MYO10: variants seen among roughly 807,000 people sequenced by gnomAD.
MYO10 encodes the protein myosin X, also known as unconventional myosin-X.
In MYO10, 133 loss-of-function variants were observed where a neutral mutation model predicts 257.3. The observed-to-expected ratio is 0.52, with a 90% CI of 0.45 to 0.60. The LOEUF (loss-of-function observed/expected upper bound fraction) is 0.60, where lower values mean the gene tolerates loss of function less well. Ranked by LOEUF, MYO10 falls within the 20% of genes least tolerant of loss-of-function variation. The pLI is 0.00. For synonymous variants in MYO10, 1,104 were observed against 1,028.6 expected, an observed-to-expected ratio of 1.07 and a Z score of -1.40; for missense variants, 2,399 against 2,635.7, an observed-to-expected ratio of 0.91 and a Z score of 1.97.
In MYO10 at chr5:16,670,868, G is replaced by C. The variant is rs774164093; in HGVS notation, c.5541C>G (p.Ala1847=). Reference sequence around the variant, plus strand: ...AATAAACCTCTTCGAGAGGTGGGATGGCAGCGTGCAGAGTATAATCCCCCT... The same window carrying C: ...AATAAACCTCTTCGAGAGGTGGGATCGCAGCGTGCAGAGTATAATCCCCCT... The part of the protein sequence containing the change: ...YLQGDYTLHA[A]IPPLEEVYSL... The change falls in exon 39 of 41, where the codon GCC becomes GCG. Residue 1847 remains alanine, a synonymous_variant. Transcript: ENST00000513610. 3.1e-6 allele frequency: 5 copies of C among 1,613,984 alleles called. No homozygotes were observed. The Admixed American group carries it at 8.3e-5, about 27-fold the overall frequency.
intron 25 of MYO10, 71 bp from the exon 26 acceptor site, chr5:16,699,644 TATC>T (rs1737934755): frequency 6.3e-7 from 1 of 1,594,114 alleles, no homozygotes; most frequent in South Asian, 1.1e-5. Flanking sequence ...ACCCAGCATG[TATC>T]ATCATTGAAA....
intron 1 of MYO10, among the ~76,000 whole-genome samples, chr5:16,908,796 G>A (rs1349621270): frequency 1.3e-5 from 2 of 152,128 alleles, no homozygotes; most frequent in Non-Finnish European, 2.9e-5. Flanking sequence ...CTGGAATATC[G>A]GAATGTACTG....
chr5:16,803,076 G>A (rs1742168619), intron 3 of MYO10, among the ~76,000 whole-genome samples: 1 of 151,972 alleles, frequency 6.6e-6, no homozygotes, highest in Admixed American at 6.6e-5. Flanking sequence ...CTGCACTCCA[G>A]CCTTGGTAAC....
In MYO10 at chr5:16,672,867, G is replaced by A. The variant is rs755536316; in HGVS notation, c.5173-42C>T. ...GGGGACTTCAGTTCCACAGGCTGCG[G>A]CCCCAACACGTGTTCCCAGAACGTG... On this transcript the variant is annotated intron_variant, in intron 36 of 40. Transcript: ENST00000513610. 8 of 1,596,212 alleles carry A rather than the reference G, an allele frequency of 5.0e-6. No individual in the cohort carries two copies. The East Asian group carries it at 6.8e-5, about 14-fold the overall frequency.
At chr5:16,869,911 A>AGAAAG (rs1744402096) in intron 2 of MYO10, among the ~76,000 whole-genome samples, 1 of 125,390 alleles carries the variant, frequency 8.0e-6, no homozygotes, top group African/African-American at 3.1e-5. Flanking sequence ...AGAAGGAGAA[A>AGAAAG]GGAAGGGAAG....
intron 26 of MYO10, among the ~76,000 whole-genome samples, chr5:16,697,427 C>T (rs933394327): frequency 1.1e-4 from 17 of 152,264 alleles, no homozygotes; most frequent in East Asian, 7.7e-4. Context: ...CATGGCTGGG[C>T]GCGGTGGCTC....
chr5:16,668,946 TG>T (rs1736307105), intron 39 of MYO10, among the ~76,000 whole-genome samples: 1 of 152,190 alleles, frequency 6.6e-6, no homozygotes, highest in South Asian at 2.1e-4. Flanking sequence ...TCACGCATGC[TG>T]AGCAGTTCTG....
At chr5:16,927,788 C>T (rs913816823) in intron 1 of MYO10, among the ~76,000 whole-genome samples, 2 of 152,100 alleles carry the variant, frequency 1.3e-5, no homozygotes, top group African/African-American at 4.8e-5. Flanking sequence ...GCTTTGTCCC[C>T]AAAACTCTAA....
At chr5:16,679,819 C>T (rs1476393445) in intron 33 of MYO10, 128 bp downstream of exon 33, 14 of 1,294,788 alleles carry the variant, frequency 1.1e-5, no homozygotes, top group Non-Finnish European at 1.4e-5. Flanking sequence ...GCCACCGTGC[C>T]GGCCAACCAA....
At chr5:16,845,055 T>G (rs1212016839) in intron 2 of MYO10, among the ~76,000 whole-genome samples, 2 of 152,168 alleles carry the variant, frequency 1.3e-5, no homozygotes, top group Admixed American at 1.3e-4. Flanking sequence ...ACTTGATGTA[T>G]TAAAATGCTC....
chr5:16,854,107 T>G lies in MYO10; in HGVS notation c.120+23502A>C, dbSNP rs1672648369. 2.6e-5 allele frequency: 4 copies of G among 152,250 alleles called. 1 individual carries two copies. The highest frequency in any genetic ancestry group is 2.6e-4 in the Admixed American group (4 of 15,278). 9.4% of individuals were successfully genotyped at this position (152,250 alleles called of 1,614,324 possible). ...GGAAACATAGTCCTAAGACAGACAA[T>G]CTAAACTGATTTTTTCTAACAGCAT... On this transcript the variant is annotated intron_variant, in intron 2 of 40. Coordinates refer to ENST00000513610, the MANE Select transcript of MYO10 (RefSeq NM_012334.3).
chr5:16,812,436 C>T (rs1294639366), intron 3 of MYO10, among the ~76,000 whole-genome samples: 2 of 152,182 alleles, frequency 1.3e-5, no homozygotes, highest in African/African-American at 2.4e-5. Context: ...AATGCACCCA[C>T]AGGAATAGCT....
chr5:16,899,628 C>CAAA (rs370278252), intron 1 of MYO10, among the ~76,000 whole-genome samples: 3,726 of 123,268 alleles, frequency 0.03, 68 homozygotes, highest in Middle Eastern at 0.058. Flanking sequence ...AACTCAGTTT[C>CAAA]AAAAAAAAAA....
intron 1 of MYO10, chr5:16,902,174 T>C: frequency 1.7e-6 from 1 of 604,876 alleles, no homozygotes; most frequent in Non-Finnish European, 2.9e-6. Flanking sequence ...GCCTCCCAAG[T>C]AGTTGGGATT....
At chr5:16,781,229 G>A (rs961595990) in intron 6 of MYO10, among the ~76,000 whole-genome samples, 5 of 151,758 alleles carry the variant, frequency 3.3e-5, no homozygotes, top group South Asian at 2.1e-4. Context: ...ACAGGCACAC[G>A]CCACCAAGCC....
At chr5:16,800,212 G>A (rs893937183) in intron 3 of MYO10, among the ~76,000 whole-genome samples, 15 of 152,020 alleles carry the variant, frequency 9.9e-5, no homozygotes, top group East Asian at 9.7e-4. Context: ...AGTCAGCCTA[G>A]TGAGTTACCA....
chr5:16,831,423 C>T (rs1009748114), intron 2 of MYO10, among the ~76,000 whole-genome samples: 5 of 150,916 alleles, frequency 3.3e-5, no homozygotes, highest in Admixed American at 6.7e-5. Flanking sequence ...TGCGCACGCA[C>T]GTTTATAGCA....
chr5:16,928,288 G>A (rs770960695), intron 1 of MYO10, among the ~76,000 whole-genome samples: 15 of 151,886 alleles, frequency 9.9e-5, no homozygotes, highest in Non-Finnish European at 2.2e-4. Context: ...TTCACCTCCC[G>A]GATTCAACCG....
At chr5:16,785,270 T>C (rs947646666) in intron 4 of MYO10, among the ~76,000 whole-genome samples, 4 of 152,164 alleles carry the variant, frequency 2.6e-5, no homozygotes, top group Admixed American at 6.6e-5. Flanking sequence ...TTAGCATACA[T>C]TGAATAACTG....
Sources: gnomAD v4.1 joint callset for allele counts (sites outside exome capture counted in the v4.1 genomes callset) on GRCh38, gnomAD v4.1.1 for gene constraint, MANE v1.5 for transcripts, NCBI Gene and HGNC (gene_info 2026-07-23, HGNC 2026-07-21) for gene names.